The following PMEL variants were observed in gnomAD, a reference collection of about 807,000 sequenced individuals.
PMEL encodes premelanosome protein.
A neutral mutation model predicts 64.9 loss-of-function variants in PMEL; 53 were observed. The ratio of observed to expected loss-of-function variants is 0.82; its 90% CI spans 0.66 to 1.03. The LOEUF is 1.03. Ranked by LOEUF, PMEL falls within the 50% of genes least tolerant of loss-of-function variation. The pLI is 0.00. For synonymous variants in PMEL, 299 were observed against 316.2 expected (o/e 0.95, Z 0.58); for missense variants, 716 against 814.9 (o/e 0.88, Z 1.48).
Position 55,957,994 on chromosome 12 carries a change from G to A in PMEL, c.560C>T (p.Thr187Ile). 2 of 1,614,216 alleles carry A rather than the reference G, an allele frequency of 1.2e-6. No individual in the cohort carries two copies. The highest frequency in any genetic ancestry group is 1.7e-6 in the Non-Finnish European group (2 of 1,180,026). The change falls in exon 5 of 11, where the codon ACT becomes ATT. Residue 187 changes from threonine (T) to isoleucine (I), a missense_variant. By Grantham distance (89) the Thr-to-Ile change is moderately conservative (BLOSUM62 -1). Coordinates refer to ENST00000548747, the MANE Select transcript of PMEL (RefSeq NM_001384361.1). The stretch of plus-strand genomic sequence containing the variant: ...CCGGGATCCCCGGCGATGGTAGACA[G>A]TCACTTCCATGGTGTGTGTGCCCAG... The part of the protein sequence containing the change: ...AMLGTHTMEV[T>I]VYHRRGSRSY...
At chr12:55,961,048 A>C (rs1889082693) in intron 3 of PMEL, among the ~76,000 whole-genome samples, 1 of 150,622 alleles carries the variant, frequency 6.6e-6, no homozygotes, top group Non-Finnish European at 1.5e-5. Flanking sequence ...CTAAAAATAC[A>C]AAAAAAATTA....
intron 6 of PMEL, among the ~76,000 whole-genome samples, 188 bp downstream of exon 6, chr12:55,956,761 T>C (rs773378817): frequency 1.3e-5 from 2 of 152,184 alleles, no homozygotes; most frequent in Non-Finnish European, 2.9e-5. Flanking sequence ...GACCTTGGTT[T>C]CCTGAACTCC....
chr12:55,955,256 G>C lies in PMEL; in HGVS notation c.1850+18C>G. On this transcript the variant is annotated intron_variant, in intron 10 of 10. Transcript: ENST00000548747. The stretch of plus-strand genomic sequence containing the variant: ...AATAAGGGATAAGGGGGTCTGAGCT[G>C]TGTGATGAGGCCCTTACCTATATAT... The C allele has an allele frequency of 1.3e-6, 2 of 1,537,682 alleles. No homozygotes were observed. The highest frequency in any genetic ancestry group is 1.8e-6 in the Non-Finnish European group (2 of 1,112,378).
intron 10 of PMEL, 88 bp downstream of exon 10, chr12:55,955,186 G>T: frequency 2.1e-6 from 2 of 970,852 alleles, no homozygotes; most frequent in South Asian, 1.3e-5. Context: ...CTTCCTCAAA[G>T]GGAGAGGTGG....
Position 55,956,132 on chromosome 12 carries a change from C to A in PMEL, c.1442G>T (p.Gly481Val). ...VPLDCVLYRY[G>V]SFSVTLDIVQ... ...AATGTCCAGGGTGACGGAAAAGGAA[C>A]CATATCGATACAGAACACAATCCAG... Residue 481 changes from glycine (G) to valine (V), a missense_variant, in exon 7 of 11, where the codon GGT becomes GTT. Gly to Val is a moderately radical substitution (Grantham distance 109). Transcript: ENST00000548747. 2.5e-6 allele frequency: 4 copies of A among 1,613,710 alleles called. No individual in the cohort carries two copies. Among genetic ancestry groups the A allele is most frequent in the Non-Finnish European group, 2.5e-6 (3 of 1,179,572 alleles).
At position 55,961,468 on chromosome 12, in the gene PMEL, G is replaced by T; in HGVS notation, c.188-5C>A. 2 of 1,613,948 alleles carry T rather than the reference G, an allele frequency of 1.2e-6. No homozygotes were observed. The highest frequency in any genetic ancestry group is 1.7e-6 in the Non-Finnish European group (2 of 1,179,888). On this transcript the variant is annotated splice_region_variant and splice_polypyrimidine_tract_variant and intron_variant, in intron 2 of 10. Transcript: ENST00000548747. ...CCTTGAGGGACACTTGACCACCTGG[G>T]AAGGAAAGCTACATTAGCTGGGACT...
rs745467596 is a variant in PMEL, at chr12:55,957,986, G to A, written c.568C>T (p.His190Tyr). 2 of 1,614,204 alleles carry A rather than the reference G, an allele frequency of 1.2e-6. No individual in the cohort carries two copies. The highest frequency in any genetic ancestry group is 1.7e-5 in the Admixed American group (1 of 60,028). Reference sequence around the variant, plus strand: ...ACATAGCTCCGGGATCCCCGGCGATGGTAGACAGTCACTTCCATGGTGTGT... The same window carrying A: ...ACATAGCTCCGGGATCCCCGGCGATAGTAGACAGTCACTTCCATGGTGTGT... Reference protein sequence around the residue: ...GTHTMEVTVYHRRGSRSYVPL... With the variant: ...GTHTMEVTVYYRRGSRSYVPL... The change falls in exon 5 of 11, where the codon CAT becomes TAT. Residue 190 changes from histidine to tyrosine, a missense_variant. By Grantham distance (83) the His-to-Tyr change is moderately conservative. Transcript: ENST00000548747.
chr12:55,964,604 C>T (rs1313567185), intron 1 of PMEL, among the ~76,000 whole-genome samples: 1 of 152,028 alleles, frequency 6.6e-6, no homozygotes, highest in African/African-American at 2.4e-5. Context: ...CTACACCCGG[C>T]CTCCTTATCT....
At chr12:55,960,091 C>G (rs911861900) in intron 3 of PMEL, among the ~76,000 whole-genome samples, 4 of 150,610 alleles carry the variant, frequency 2.7e-5, no homozygotes, top group Non-Finnish European at 4.4e-5. Context: ...CGGGAGGCTA[C>G]TCCCAGCTAC....
intron 3 of PMEL, among the ~76,000 whole-genome samples, chr12:55,959,552 C>A (rs1031228144): frequency 2.0e-5 from 3 of 151,972 alleles, no homozygotes; most frequent in Non-Finnish European, 4.4e-5. Context: ...CACCTGTAAT[C>A]CTAGCACTTT....
Position 55,955,568 on chromosome 12 carries a change from A to T in PMEL, c.1658T>A (p.Val553Asp), listed in dbSNP as rs1176910336. 6.2e-7 allele frequency: 1 copy of T among 1,613,994 alleles called. No individual in the cohort carries two copies. Among genetic ancestry groups the T allele is most frequent in the Non-Finnish European group, 8.5e-7 (1 of 1,180,034 alleles). Reference sequence around the variant, plus strand: ...GCCACCCTTCAGTATCTGGTGCAGAACCAGCTGGCAGGCTGGGCTGGGTAG... The same window carrying T: ...GCCACCCTTCAGTATCTGGTGCAGATCCAGCTGGCAGGCTGGGCTGGGTAG... ...PVLPSPACQLVLHQILKGGSG... is the reference protein window; with the variant it reads ...PVLPSPACQLDLHQILKGGSG... Residue 553 changes from valine (V) to aspartate (D), a missense_variant, in exon 9 of 11, where the codon GTT becomes GAT. Transcript: ENST00000548747.
In PMEL at chr12:55,955,468, C is replaced by T; in HGVS notation, c.1758G>A (p.Met586Ile). 1 of 1,614,004 alleles carries T rather than the reference C, an allele frequency of 6.2e-7. No individual in the cohort carries two copies. Among genetic ancestry groups the T allele is most frequent in the Non-Finnish European group, 8.5e-7 (1 of 1,179,930 alleles). The change falls in exon 9 of 11, where the codon ATG becomes ATA. Residue 586 changes from methionine (M) to isoleucine (I), a missense_variant. By Grantham distance (10) the Met-to-Ile change is conservative. Transcript: ENST00000548747. ...SLAVVSTQLI[M>I]PGQEAGLGQV... ...AGCTCTTGTCCAAGGACCTACCAGGCATGATAAGCTGGGTGCTGACCACTG... is the reference window on the plus strand; with the variant it reads ...AGCTCTTGTCCAAGGACCTACCAGGTATGATAAGCTGGGTGCTGACCACTG...
At chr12:55,966,312 T>C (rs571057298), upstream of PMEL, 35 of 412,560 alleles carry the variant, frequency 8.5e-5, no homozygotes, top group African/African-American at 7.0e-4. Flanking sequence ...CAGTTTATCA[T>C]GGGAGAGTGA....
chr12:55,964,828 A>G (rs1889227306), intron 1 of PMEL, among the ~76,000 whole-genome samples: 2 of 148,404 alleles, frequency 1.3e-5, no homozygotes, highest in Admixed American at 6.7e-5. Context: ...GTTTCACCAT[A>G]TTGGCCAGGC....
At chr12:55,955,709 G>T in intron 8 of PMEL, 40 bp from the exon 9 acceptor site, 2 of 1,608,820 alleles carry the variant, frequency 1.2e-6, no homozygotes, top group South Asian at 2.2e-5. Context: ...ATCTGGGAAG[G>T]GACACTAAAT....
At position 55,954,272 on chromosome 12, in the gene PMEL, A is replaced by T. The variant is rs761479444; in HGVS notation, c.1928T>A (p.Ile643Asn). 6.2e-7 allele frequency: 1 copy of T among 1,614,036 alleles called. No individual in the cohort carries two copies. Among genetic ancestry groups the T allele is most frequent in the South Asian group, 1.1e-5 (1 of 91,072 alleles). Residue 643 changes from isoleucine (I) to asparagine (N), a missense_variant, in exon 11 of 11, where the codon ATC becomes AAC. Physicochemically the swap from Ile to Asn is moderately radical, Grantham distance 149. Transcript: ENST00000548747. ...CTCACCAATGGGACAAGAGCAGAAG[A>T]TGCGGGGTAGACGCAGCCAGTGACT... ...SSSHWLRLPR[I>N]FCSCPIGENS...
chr12:55,961,638 T>A lies in PMEL; in HGVS notation c.171A>T (p.Arg57Ser), dbSNP rs758718225. 2 of 1,613,666 alleles carry A rather than the reference T, an allele frequency of 1.2e-6. No homozygotes were observed. The highest frequency in any genetic ancestry group is 2.2e-5 in the South Asian group (2 of 91,062). The change falls in exon 2 of 11, where the codon AGA (arginine) becomes AGT (serine). Residue 57 changes from arginine to serine, a missense_variant. By Grantham distance (110) the Arg-to-Ser change is moderately radical. Coordinates refer to ENST00000548747, the MANE Select transcript of PMEL (RefSeq NM_001384361.1). ...AGTTCCTACCTCTCCAGCAGTCAAGTCTCTGGGCTTCTGTCCACTCTGGAT... is the reference window on the plus strand; with the variant it reads ...AGTTCCTACCTCTCCAGCAGTCAAGACTCTGGGCTTCTGTCCACTCTGGAT... The part of the protein sequence containing the change: ...QLYPEWTEAQ[R>S]LDCWRGGQVS...
At chr12:55,961,834 A>ATTT (rs1201947206) in intron 1 of PMEL, 102 bp from the exon 2 acceptor site, 295 of 510,564 alleles carry the variant, frequency 5.8e-4, no homozygotes, top group African/African-American at 2.5e-3. Flanking sequence ...TTCGAAGTGC[A>ATTT]TTTTTTTTTT....
intron 6 of PMEL, chr12:55,956,535 G>T: frequency 3.0e-6 from 1 of 336,114 alleles, no homozygotes; most frequent in Non-Finnish European, 5.5e-6. Context: ...AAGCATCACT[G>T]TTTCATTCCT....
Sources: gnomAD v4.1 joint callset for allele counts (sites outside exome capture counted in the v4.1 genomes callset) on GRCh38, gnomAD v4.1.1 for gene constraint, MANE v1.5 for transcripts, NCBI Gene and HGNC (gene_info 2026-07-23, HGNC 2026-07-21) for gene names.